The following ABCB6 variants were observed in gnomAD, a reference collection of about 807,000 sequenced individuals.
The protein encoded by ABCB6 is ATP-binding cassette sub-family B member 6.
In ABCB6, 87 loss-of-function variants were observed where a neutral mutation model predicts 99.4. The observed-to-expected ratio is 0.88, with a 90% CI of 0.74 to 1.05. The LOEUF (loss-of-function observed/expected upper bound fraction) is 1.05, where lower values mean the gene tolerates loss of function less well. ABCB6 is among the 50% of genes least tolerant of loss of function. The pLI is 0.00. For missense variants in ABCB6, 1,050 were observed against 1,097.9 expected (o/e 0.96, Z 0.62); for synonymous variants, 482 against 447.5 (o/e 1.08, Z -0.97).
rs777306155 is a variant in ABCB6, at chr2:219,210,230, C to A, written c.2420G>T (p.Arg807Leu). 2.5e-6 allele frequency: 4 copies of A among 1,614,126 alleles called. No individual in the cohort carries two copies. In the East Asian group the frequency reaches 8.9e-5, roughly 36 times the overall value. The change falls in exon 18 of 19, where the codon CGA becomes CTA. Residue 807 changes from arginine (R) to leucine (L), a missense_variant and splice_region_variant. Physicochemically the swap from Arg to Leu is moderately radical, Grantham distance 102. Coordinates refer to ENST00000265316, the MANE Select transcript of ABCB6 (RefSeq NM_005689.4). ...TCCTTTTGATCTATGTGTCTCTTACCGTCCCCTCTCCACGATGCAGCCATC... is the reference window on the plus strand; with the variant it reads ...TCCTTTTGATCTATGTGTCTCTTACAGTCCCCTCTCCACGATGCAGCCATC... ...IKDGCIVERG[R>L]HEALLSRGGV...
In ABCB6 at chr2:219,217,685, A is replaced by G; in HGVS notation, c.672T>C (p.Asp224=). 1.2e-6 allele frequency: 2 copies of G among 1,603,062 alleles called. No individual in the cohort carries two copies. Among genetic ancestry groups the G allele is most frequent in the Non-Finnish European group, 1.7e-6 (2 of 1,176,672 alleles). ...TGAGGTGTACCTGGCTCCTTTCCAC[A>G]TCTTGGTCCTCTTCATGAACCTGCA... ...YTLQVHEEDQ[D]VERSQVRSAA... Residue 224 remains aspartate, a synonymous_variant, in exon 2 of 19, where the codon GAT becomes GAC. Coordinates refer to ENST00000265316, the MANE Select transcript of ABCB6 (RefSeq NM_005689.4).
Position 219,218,590 on chromosome 2 carries a change from G to A in ABCB6, c.84C>T (p.Phe28=), listed in dbSNP as rs770221962. 1.2e-6 allele frequency: 2 copies of A among 1,612,584 alleles called. No homozygotes were observed. The highest frequency in any genetic ancestry group is 1.1e-5 in the South Asian group (1 of 91,042). The part of the protein sequence containing the change: ...WMQDGLSPCF[F]FTLVPSTRMA... ...TCCGCGTCGAGGGCACGAGCGTGAAGAAGAAGCAGGGACTCAGGCCATCCT... is the reference window on the plus strand; with the variant it reads ...TCCGCGTCGAGGGCACGAGCGTGAAAAAGAAGCAGGGACTCAGGCCATCCT... Residue 28 remains phenylalanine (F), a synonymous_variant, in exon 1 of 19, where the codon TTC becomes TTT. Coordinates refer to ENST00000265316, the MANE Select transcript of ABCB6 (RefSeq NM_005689.4).
At position 219,212,445 on chromosome 2, in the gene ABCB6, A is replaced by G. The variant is rs1186292390; in HGVS notation, c.1910T>C (p.Phe637Ser). ...AGKSTILRLL[F>S]RFYDISSGCI... ...GCCAGAGCTGATGTCGTAGAAGCGAAACAGCAGGCGCAAAATTGTGCTCTT... is the reference window on the plus strand; with the variant it reads ...GCCAGAGCTGATGTCGTAGAAGCGAGACAGCAGGCGCAAAATTGTGCTCTT... The change falls in exon 14 of 19, where the codon TTT becomes TCT. Residue 637 changes from phenylalanine (F) to serine (S), a missense_variant. Physicochemically the swap from Phe to Ser is radical, Grantham distance 155. Coordinates refer to ENST00000265316, the MANE Select transcript of ABCB6 (RefSeq NM_005689.4). The G allele has an allele frequency of 6.2e-7, 1 of 1,614,034 alleles. No individual in the cohort carries two copies. Among genetic ancestry groups the G allele is most frequent in the Non-Finnish European group, 8.5e-7 (1 of 1,180,038 alleles).
intron 6 of ABCB6, 71 bp from the exon 7 acceptor site, chr2:219,214,569 A>C (rs1368347991): frequency 2.7e-6 from 3 of 1,128,918 alleles, no homozygotes; most frequent in Admixed American, 3.5e-5. Context: ...GTCAATGTCC[A>C]CTACCTGCCA....
chr2:219,217,820 A>G lies in ABCB6; in HGVS notation c.550-13T>C. The G allele has an allele frequency of 9.3e-6, 15 of 1,609,670 alleles. 1 individual carries two copies. Among genetic ancestry groups the G allele is most frequent in the South Asian group, 8.8e-5 (8 of 90,760 alleles). Reference sequence around the variant, plus strand: ...GGCTAAACTGAACCTAGAATGAAATATAAGTGGAGAGAGTATCATTGAGGA... The same window carrying G: ...GGCTAAACTGAACCTAGAATGAAATGTAAGTGGAGAGAGTATCATTGAGGA... On this transcript the variant is annotated splice_polypyrimidine_tract_variant and intron_variant, in intron 1 of 18. Coordinates refer to ENST00000265316, the MANE Select transcript of ABCB6 (RefSeq NM_005689.4).
At chr2:219,215,920 T>C (rs1950633368) in intron 5 of ABCB6, 77 bp downstream of exon 5, 1 of 1,421,854 alleles carries the variant, frequency 7.0e-7, no homozygotes, top group Non-Finnish European at 9.3e-7. Context: ...GCGGGGTCTG[T>C]TCTCTTCCTC....
In ABCB6 at chr2:219,210,854, C is replaced by T. The variant is rs200541302; in HGVS notation, c.2144-31G>A. 1.6e-4 allele frequency: 260 copies of T among 1,613,326 alleles called. No individual in the cohort carries two copies. The East Asian group carries it at 2.1e-3, about 13-fold the overall frequency. On this transcript the variant is annotated intron_variant, in intron 15 of 18. Transcript: ENST00000265316. ...GATATTACCCACCACACGTTTCTTA[C>T]GAAACGGAGGGAACAGGGGTCAGGG...
rs1354790188 is a variant in ABCB6, at chr2:219,210,674, A to G, written c.2256+37T>C. ...CCCAGGAGGAACGGCTTGAGCATAC[A>G]CAAGGCAGGAAGGAGGGGAGGAGAC... On this transcript the variant is annotated intron_variant, in intron 16 of 18. Transcript: ENST00000265316. 1.9e-6 allele frequency: 3 copies of G among 1,612,422 alleles called. No individual in the cohort carries two copies. The African/African-American group carries it at 4.0e-5, about 22-fold the overall frequency.
chr2:219,212,626 G>A (rs1249058256), intron 13 of ABCB6, 135 bp from the exon 14 acceptor site: 23 of 686,738 alleles, frequency 3.3e-5, no homozygotes, highest in African/African-American at 1.3e-4. Context: ...AGGTTCAAGC[G>A]ATTCTCTTGC....
chr2:219,218,869 C>A lies in ABCB6; in HGVS notation c.-196G>T. On this transcript the variant is annotated 5_prime_UTR_variant, in exon 1 of 19. Coordinates refer to ENST00000265316, the MANE Select transcript of ABCB6 (RefSeq NM_005689.4). ...TCCCCTAGCGCACGCGCCGCCGCCA[C>A]GCACTCACGCAGGGCACGTACGCCG... The A allele has an allele frequency of 3.5e-6, 2 of 576,836 alleles. No individual in the cohort carries two copies. Among genetic ancestry groups the A allele is most frequent in the Non-Finnish European group, 5.8e-6 (2 of 344,442 alleles). 35.7% of individuals were successfully genotyped at this position (576,836 alleles called of 1,614,324 possible).
At chr2:219,217,921 A>T (rs75859701) in intron 1 of ABCB6, 114 bp from the exon 2 acceptor site, 24 of 174,102 alleles carry the variant, frequency 1.4e-4, no homozygotes, top group South Asian at 5.5e-4. Flanking sequence ...TTACAGGCTT[A>T]AAAAAAAAAA....
Position 219,209,850 on chromosome 2 carries a change from C to G in ABCB6, c.*88G>C. The G allele has an allele frequency of 9.5e-7, 1 of 1,051,042 alleles. No homozygotes were observed. The highest frequency in any genetic ancestry group is 2.0e-4 in the Middle Eastern group (1 of 4,906). The allele number at this position is 1,051,042 out of a possible 1,614,324, so 65.1% of individuals were successfully genotyped here. ...CCTTACCATAGCTAGCACCATACCC[C>G]AAGACCAGGATGAAATAAGCCAGGG... On this transcript the variant is annotated 3_prime_UTR_variant, in exon 19 of 19. Transcript: ENST00000265316.
Position 219,216,407 on chromosome 2 carries a change from G to GT in ABCB6, c.926dup (p.Tyr309Ter), listed in dbSNP as rs770921703. 1.3e-4 allele frequency: 202 copies of GT among 1,614,072 alleles called. 4 individuals are homozygous for GT. In the Admixed American group the frequency reaches 3.3e-3, roughly 26 times the overall value. ...CCCCCTGGAGGAACTTGAGGAAGAC[G>GT]TAACTGGTAACAGTCCAGGCCAGAG... ...WNSLAWTVTS[Y>*]VFLKFLQGGG... Residue 309 changes from tyrosine (Y) to a stop codon, truncating the protein, a stop_gained and frameshift_variant, in exon 4 of 19, where the codon TAC (tyrosine) becomes TAAC (stop). Coordinates refer to ENST00000265316, the MANE Select transcript of ABCB6 (RefSeq NM_005689.4). LOFTEE classifies it high-confidence loss of function. This position sits in a 1 kb window ranked among gnomAD's most constrained non-coding sequence, Gnocchi z 4.2.
chr2:219,212,545 C>T (rs1559235750), intron 13 of ABCB6, 54 bp from the exon 14 acceptor site: 3 of 1,351,642 alleles, frequency 2.2e-6, no homozygotes, highest in Non-Finnish European at 3.1e-6. Context: ...TTTTTTGAGA[C>T]CGAATCTCAC....
At chr2:219,212,346 C>G (rs553971671) in intron 14 of ABCB6, 41 bp downstream of exon 14, 2 of 1,558,956 alleles carry the variant, frequency 1.3e-6, no homozygotes, top group Admixed American at 1.7e-5. Context: ...TTCCTCCACA[C>G]GTAGACCCCT....
chr2:219,215,282 G>A (rs1057249973), intron 5 of ABCB6, 200 bp from the exon 6 acceptor site: 7 of 604,652 alleles, frequency 1.2e-5, no homozygotes, highest in Admixed American at 6.5e-5. Context: ...AATGAATGAG[G>A]GAGACCTTCA....
At position 219,212,467 on chromosome 2, in the gene ABCB6, T is replaced by C. The variant is rs763931407; in HGVS notation, c.1888A>G (p.Ser630Gly). The change falls in exon 14 of 19, where the codon AGC (serine) becomes GGC (glycine). Residue 630 changes from serine to glycine, a missense_variant. By Grantham distance (56) the Ser-to-Gly change is moderately conservative (BLOSUM62 0). Transcript: ENST00000265316. ...CGAAACAGCAGGCGCAAAATTGTGCTCTTCCCTGCCCCAGATGGGCCCACC... is the reference window on the plus strand; with the variant it reads ...CGAAACAGCAGGCGCAAAATTGTGCCCTTCCCTGCCCCAGATGGGCCCACC... Reference protein sequence around the residue: ...ALVGPSGAGKSTILRLLFRFY... With the variant: ...ALVGPSGAGKGTILRLLFRFY... The C allele has an allele frequency of 6.2e-7, 1 of 1,614,110 alleles. No individual in the cohort carries two copies. The highest frequency in any genetic ancestry group is 1.1e-5 in the South Asian group (1 of 91,086).
Position 219,218,195 on chromosome 2 carries a change from G to C in ABCB6, c.479C>G (p.Ala160Gly). ...LLLLWTVAFA[A>G]ENLALVSWNS... ...CCAAGACACCAGGGCCAAGTTCTCA[G>C]CTGCAAACGCCACAGTCCAGAGGAG... is the stretch of plus-strand genomic sequence containing the variant. Residue 160 changes from alanine (A) to glycine (G), a missense_variant, in exon 1 of 19, where the codon GCT becomes GGT. Transcript: ENST00000265316. 6.2e-7 allele frequency: 1 copy of C among 1,613,868 alleles called. No individual in the cohort carries two copies. The highest frequency in any genetic ancestry group is 8.5e-7 in the Non-Finnish European group (1 of 1,180,006).
chr2:219,211,515 G>A (rs1950578606), intron 14 of ABCB6, among the ~76,000 whole-genome samples: 1 of 152,008 alleles, frequency 6.6e-6, no homozygotes, highest in African/African-American at 2.4e-5. Context: ...TGTTGCCCAG[G>A]CTGGTCTCAA....
Sources: allele counts gnomAD v4.1 joint callset (sites outside exome capture counted in the v4.1 genomes callset), GRCh38; gene constraint gnomAD v4.1.1; non-coding constraint Gnocchi (gnomAD v3.1); transcripts MANE v1.5; gene names NCBI Gene and HGNC (gene_info 2026-07-23, HGNC 2026-07-21).